The following KCNH8 variants were observed in gnomAD, a reference collection of about 807,000 sequenced individuals.
The protein encoded by KCNH8 is potassium voltage-gated channel subfamily H member 8.
KCNH8 carries 70 observed loss-of-function variants against 103.6 expected under a neutral mutation model. That is an observed-to-expected ratio of 0.68 (90% CI 0.56 to 0.82). The LOEUF (loss-of-function observed/expected upper bound fraction) is 0.82. KCNH8 is among the 40% of genes least tolerant of loss of function. The pLI, the probability that KCNH8 is intolerant of heterozygous loss-of-function variation, is 0.00. For missense variants in KCNH8, 1,217 were observed against 1,329.9 expected (o/e 0.92, Z 1.32); for synonymous variants, 498 against 489.4 (o/e 1.02, Z -0.23).
chr3:19,355,447 A>G (rs980344612), intron 5 of KCNH8, among the ~76,000 whole-genome samples: 2 of 152,094 alleles, frequency 1.3e-5, no homozygotes, highest in African/African-American at 2.4e-5. Context: ...TGTTTATTGC[A>G]GCACTATTCA....
chr3:19,163,304 A>C (rs889410383), intron 1 of KCNH8, among the ~76,000 whole-genome samples: 1 of 150,286 alleles, frequency 6.7e-6, no homozygotes, highest in Non-Finnish European at 1.5e-5. Context: ...ATATAAAACA[A>C]ATAATTTTAC....
chr3:19,464,467 C>T (rs2067695609), intron 11 of KCNH8, among the ~76,000 whole-genome samples: 1 of 151,764 alleles, frequency 6.6e-6, no homozygotes, highest in Non-Finnish European at 1.5e-5. Flanking sequence ...ATCATTATGA[C>T]CTTGGAATAG....
At chr3:19,269,908 A>G (rs1379094025) in intron 2 of KCNH8, among the ~76,000 whole-genome samples, 2 of 152,156 alleles carry the variant, frequency 1.3e-5, no homozygotes, top group Non-Finnish European at 1.5e-5. Context: ...GTCTGATTGG[A>G]TGATCTTTTA....
intron 7 of KCNH8, among the ~76,000 whole-genome samples, chr3:19,397,836 A>G (rs2066546609): frequency 6.6e-6 from 1 of 151,890 alleles, no homozygotes; most frequent in Non-Finnish European, 1.5e-5. Flanking sequence ...AATTACTTGC[A>G]TCATTTAAAT....
chr3:19,267,546 G>GA (rs1010957082), intron 2 of KCNH8, among the ~76,000 whole-genome samples: 2 of 151,942 alleles, frequency 1.3e-5, no homozygotes, highest in Admixed American at 6.6e-5. Context: ...GGTTAGAATG[G>GA]AAAAAAATGT....
chr3:19,208,799 A>G (rs1237877611), intron 1 of KCNH8, among the ~76,000 whole-genome samples: 1 of 151,880 alleles, frequency 6.6e-6, no homozygotes, highest in East Asian at 1.9e-4. Flanking sequence ...GATGTTGGTA[A>G]TACTCCAAAG....
chr3:19,289,815 G>T (rs1203610155), intron 3 of KCNH8, among the ~76,000 whole-genome samples: 2 of 152,148 alleles, frequency 1.3e-5, no homozygotes, highest in Non-Finnish European at 2.9e-5. Context: ...GGATGGCACT[G>T]AATCTATAAA....
At chr3:19,533,253 C>G in intron 15 of KCNH8, 142 bp from the exon 16 acceptor site, 1 of 590,322 alleles carries the variant, frequency 1.7e-6, no homozygotes, top group South Asian at 2.5e-5. Flanking sequence ...TTTCACCAAG[C>G]AAATGCTAAA....
intron 1 of KCNH8, among the ~76,000 whole-genome samples, chr3:19,253,355 A>G (rs1037319217): frequency 6.6e-6 from 1 of 152,086 alleles, no homozygotes; most frequent in African/African-American, 2.4e-5. Flanking sequence ...ACCAGAAGCC[A>G]TGATCAAAAG....
intron 1 of KCNH8, among the ~76,000 whole-genome samples, chr3:19,218,051 G>GA (rs2063834547): frequency 6.6e-6 from 1 of 152,146 alleles, no homozygotes; most frequent in African/African-American, 2.4e-5. Context: ...ACTAGATTCT[G>GA]AGACTTCTGT....
At chr3:19,518,849 T>G (rs1369115045) in intron 15 of KCNH8, among the ~76,000 whole-genome samples, 2 of 151,998 alleles carry the variant, frequency 1.3e-5, no homozygotes, top group Non-Finnish European at 2.9e-5. Context: ...GATACTTTCT[T>G]GATTACTGTC....
chr3:19,231,675 C>G (rs1374987478), intron 1 of KCNH8, among the ~76,000 whole-genome samples: 1 of 152,078 alleles, frequency 6.6e-6, no homozygotes, highest in Non-Finnish European at 1.5e-5. Flanking sequence ...TGCATGGCTT[C>G]CTTTCTACCC....
At chr3:19,476,926 T>C (rs1346993716) in intron 11 of KCNH8, among the ~76,000 whole-genome samples, 1 of 152,172 alleles carries the variant, frequency 6.6e-6, no homozygotes, top group East Asian at 1.9e-4. Flanking sequence ...CTTGAGTTGA[T>C]TTGTATATAT....
chr3:19,207,045 T>C (rs1291659772), intron 1 of KCNH8, among the ~76,000 whole-genome samples: 4 of 151,902 alleles, frequency 2.6e-5, no homozygotes, highest in African/African-American at 9.7e-5. Context: ...TGAAACTCCA[T>C]GAAGAAGTTT....
chr3:19,162,793 G>A (rs770502077), intron 1 of KCNH8, among the ~76,000 whole-genome samples: 5 of 152,174 alleles, frequency 3.3e-5, no homozygotes, highest in African/African-American at 7.2e-5. Flanking sequence ...GTTTTTGAAG[G>A]TAGTTACCCT....
chr3:19,310,063 G>C (rs1479944176), intron 3 of KCNH8, among the ~76,000 whole-genome samples: 2 of 151,872 alleles, frequency 1.3e-5, no homozygotes. Context: ...TATGAGGCAG[G>C]GCTATGCCTT....
At chr3:19,481,949 C>T (rs2068094372) in intron 11 of KCNH8, among the ~76,000 whole-genome samples, 1 of 152,302 alleles carries the variant, frequency 6.6e-6, no homozygotes, top group Middle Eastern at 3.4e-3. Flanking sequence ...CCTCAGACAA[C>T]AATTTGTAGA....
chr3:19,480,745 G>A (rs2068071332), intron 11 of KCNH8, among the ~76,000 whole-genome samples: 1 of 152,162 alleles, frequency 6.6e-6, no homozygotes, highest in African/African-American at 2.4e-5. Context: ...GAGAAAAAAA[G>A]AGTTGTGAAT....
chr3:19,340,104 A>G (rs889963400), intron 3 of KCNH8, among the ~76,000 whole-genome samples: 1 of 152,104 alleles, frequency 6.6e-6, no homozygotes, highest in African/African-American at 2.4e-5. Context: ...TAGGATATTT[A>G]TGAGGATCAA....
Sources: gnomAD v4.1 joint callset for allele counts (sites outside exome capture counted in the v4.1 genomes callset) on GRCh38, gnomAD v4.1.1 for gene constraint, MANE v1.5 for transcripts, NCBI Gene and HGNC (gene_info 2026-07-23, HGNC 2026-07-21) for gene names.